The following LIFR variants were observed in gnomAD, a reference collection of about 807,000 sequenced individuals.
The protein encoded by LIFR is LIF receptor subunit alpha.
In LIFR, 84 loss-of-function variants were observed where a neutral mutation model predicts 122.2. That is an observed-to-expected ratio of 0.69 (90% CI 0.58 to 0.82). The LOEUF (loss-of-function observed/expected upper bound fraction) is 0.82, where lower values mean the gene tolerates loss of function less well. LIFR is among the 40% of genes least tolerant of loss of function. LIFR has a pLI of 0.00. For synonymous variants in LIFR, 422 were observed against 434.7 expected (o/e 0.97, Z 0.36); for missense variants, 1,294 against 1,311.6 (o/e 0.99, Z 0.21).
chr5:38,587,482 A>G (rs1019168499), intron 1 of LIFR, among the ~76,000 whole-genome samples: 10 of 66,628 alleles, frequency 1.5e-4, no homozygotes, highest in African/African-American at 2.2e-4. Context: ...GAAGGACTGA[A>G]AAAAAAAAAA....
At chr5:38,528,879 GACA>G in intron 2 of LIFR, 39 bp from the exon 3 acceptor site, 1 of 344,774 alleles carries the variant, frequency 2.9e-6, no homozygotes, top group Non-Finnish European at 4.5e-6. Context: ...CACACACACA[GACA>G]CACATAAACA....
chr5:38,542,612 G>C lies in LIFR; in HGVS notation c.-19-11946C>G, dbSNP rs75205043. ...ACAGGGAAAGGTCCCAAGTTGAACA[G>C]GGCATGAGGCTCTAGCTTTTTCATG... is the stretch of plus-strand genomic sequence containing the variant. On this transcript the variant is annotated intron_variant, in intron 1 of 19. Transcript: ENST00000453190. 7.2e-3 allele frequency among the ~76,000 whole-genome samples: 1,090 copies of C among 152,194 alleles called. 2 individuals carry two copies. The highest frequency in any genetic ancestry group is 0.017 in the Middle Eastern group (5 of 294).
chr5:38,517,946 A>C (rs1189897534), intron 5 of LIFR, among the ~76,000 whole-genome samples: 1 of 148,000 alleles, frequency 6.8e-6, no homozygotes, highest in Non-Finnish European at 1.5e-5. Flanking sequence ...CTCTATGAAA[A>C]AAAAAAAAAC....
chr5:38,521,164 C>G (rs1746377250), intron 5 of LIFR, among the ~76,000 whole-genome samples: 1 of 152,034 alleles, frequency 6.6e-6, no homozygotes, highest in Non-Finnish European at 1.5e-5. Flanking sequence ...TAAATTTATT[C>G]CTAGGTACTT....
At chr5:38,496,707 G>A (rs566720694) in intron 12 of LIFR, 112 bp from the exon 13 acceptor site, 16 of 792,042 alleles carry the variant, frequency 2.0e-5, no homozygotes, top group South Asian at 1.0e-4. Context: ...TTGGCCAGGC[G>A]TGGTGACTCA....
At chr5:38,608,395 C>A (rs181273605), upstream of LIFR, 3 of 151,990 alleles carry the variant, frequency 2.0e-5, no homozygotes, top group African/African-American at 7.2e-5. Flanking sequence ...TGATATGAGA[C>A]CTGGAATGCA....
At chr5:38,598,940 T>A (rs898249537), upstream of LIFR, among the ~76,000 whole-genome samples, 8 of 152,186 alleles carry the variant, frequency 5.3e-5, no homozygotes, top group African/African-American at 1.9e-4. Flanking sequence ...TTTCATCCAC[T>A]TAACCTCCTT....
intron 5 of LIFR, among the ~76,000 whole-genome samples, chr5:38,516,059 T>G (rs1316989615): frequency 6.6e-6 from 1 of 152,230 alleles, no homozygotes; most frequent in Non-Finnish European, 1.5e-5. Context: ...TTTACAGTTC[T>G]AAAGAAATGT....
At position 38,504,136 on chromosome 5, in the gene LIFR, T is replaced by G. The variant is rs1745326537; in HGVS notation, c.1292-15A>C. 6.8e-7 allele frequency: 1 copy of G among 1,475,024 alleles called. No individual in the cohort carries two copies. Among genetic ancestry groups the G allele is most frequent in the South Asian group, 1.1e-5 (1 of 87,302 alleles). The allele number at this position is 1,475,024 out of a possible 1,614,324, so 91.4% of individuals were successfully genotyped here. On this transcript the variant is annotated splice_polypyrimidine_tract_variant and intron_variant, in intron 9 of 19. Transcript: ENST00000453190. ...ATGGGGATAAACTGCAAATATAATTTTTAAAGATTAAACACTTATTTAAAG... is the reference window on the plus strand; with the variant it reads ...ATGGGGATAAACTGCAAATATAATTGTTAAAGATTAAACACTTATTTAAAG...
chr5:38,532,393 C>T (rs564115412), intron 1 of LIFR, among the ~76,000 whole-genome samples: 1 of 152,326 alleles, frequency 6.6e-6, no homozygotes, highest in South Asian at 2.1e-4. Context: ...GAGAGGCATG[C>T]TCTCTATTCA....
intron 2 of LIFR, among the ~76,000 whole-genome samples, chr5:38,605,342 A>C (rs994801638): frequency 6.6e-6 from 1 of 152,174 alleles, no homozygotes; most frequent in Non-Finnish European, 1.5e-5. Context: ...TACGGACTGG[A>C]ATCCTTGCTT....
intron 1 of LIFR, among the ~76,000 whole-genome samples, chr5:38,606,836 G>C (rs1750340008): frequency 6.6e-6 from 1 of 152,076 alleles, no homozygotes; most frequent in South Asian, 2.1e-4. Context: ...AGGCAACCCA[G>C]TACATCCCCA....
intron 1 of LIFR, among the ~76,000 whole-genome samples, chr5:38,556,016 T>C (rs185319427): frequency 2.0e-5 from 3 of 152,332 alleles, no homozygotes; most frequent in African/African-American, 4.8e-5. Context: ...CGAAATCACC[T>C]GGCAGGTCAC....
chr5:38,550,776 T>TA (rs1315116580), intron 1 of LIFR, among the ~76,000 whole-genome samples: 3 of 152,260 alleles, frequency 2.0e-5, no homozygotes, highest in Non-Finnish European at 4.4e-5. Context: ...ACCCTGCACT[T>TA]AAAGAGTCCG....
At chr5:38,486,691 AT>A (rs1744301677) in intron 16 of LIFR, among the ~76,000 whole-genome samples, 1 of 152,086 alleles carries the variant, frequency 6.6e-6, no homozygotes, top group South Asian at 2.1e-4. Context: ...TTCTTTGGGT[AT>A]TTATCTCTAT....
At chr5:38,552,462 T>C (rs1748255221) in intron 1 of LIFR, among the ~76,000 whole-genome samples, 2 of 152,198 alleles carry the variant, frequency 1.3e-5, no homozygotes, top group Non-Finnish European at 2.9e-5. Flanking sequence ...CCTACATATA[T>C]TTTATCTACT....
chr5:38,486,422 C>T (rs1744288539), intron 16 of LIFR, among the ~76,000 whole-genome samples: 1 of 152,100 alleles, frequency 6.6e-6, no homozygotes, highest in Non-Finnish European at 1.5e-5. Context: ...GAGATGACTC[C>T]AAACCACTTA....
intron 14 of LIFR, among the ~76,000 whole-genome samples, chr5:38,491,612 T>C (rs1295337438): frequency 6.6e-6 from 1 of 152,206 alleles, no homozygotes; most frequent in Non-Finnish European, 1.5e-5. Context: ...GTTAAAGCAT[T>C]AGTTCTCCAA....
chr5:38,553,545 C>T (rs1219094384), intron 1 of LIFR, among the ~76,000 whole-genome samples: 2 of 145,034 alleles, frequency 1.4e-5, no homozygotes, highest in Non-Finnish European at 3.0e-5. Flanking sequence ...ACAACGTTAG[C>T]AGTTTTGTAT....
Sources: allele counts gnomAD v4.1 joint callset (sites outside exome capture counted in the v4.1 genomes callset), GRCh38; gene constraint gnomAD v4.1.1; transcripts MANE v1.5; gene names NCBI Gene and HGNC (gene_info 2026-07-23, HGNC 2026-07-21).